The following TFCP2 variants were observed in gnomAD, a reference collection of about 807,000 sequenced individuals.
The protein encoded by TFCP2 is alpha-globin transcription factor CP2.
TFCP2 carries 33 observed loss-of-function variants against 73.4 expected under a neutral mutation model. The ratio of observed to expected loss-of-function variants is 0.45; its 90% CI spans 0.34 to 0.60. The LOEUF (loss-of-function observed/expected upper bound fraction) is 0.60. TFCP2 is among the 20% of genes least tolerant of loss of function. TFCP2 has a pLI of 0.01. For synonymous variants in TFCP2, 193 were observed against 211.6 expected, an observed-to-expected ratio of 0.91 and a Z score of 0.76; for missense variants, 352 against 604.0, an observed-to-expected ratio of 0.58 and a Z score of 4.37.
At chr12:51,123,678 C>G (rs1165158635) in intron 1 of TFCP2, among the ~76,000 whole-genome samples, 2 of 152,186 alleles carry the variant, frequency 1.3e-5, no homozygotes, top group African/African-American at 4.8e-5. Context: ...CCTCCCACCT[C>G]TTCTCCCAAA....
At chr12:51,113,895 C>CATACA (rs1940457696) in intron 4 of TFCP2, among the ~76,000 whole-genome samples, 1 of 152,034 alleles carries the variant, frequency 6.6e-6, no homozygotes, top group Non-Finnish European at 1.5e-5. Flanking sequence ...TATGGTTTAC[C>CATACA]ATACAACCTT....
chr12:51,095,046 TA>T lies in TFCP2; in HGVS notation c.*194del. 1 of 657,382 alleles carries T rather than the reference TA, an allele frequency of 1.5e-6. No individual in the cohort carries two copies. The highest frequency in any genetic ancestry group is 2.7e-6 in the Non-Finnish European group (1 of 367,476). 40.7% of individuals were successfully genotyped at this position (657,382 alleles called of 1,614,324 possible). Reference sequence around the variant, plus strand: ...AGCTGCAGAACTGCATATTGGGCAGTAATCTGTGTGTACCACAAGAGCTTGG... The same window carrying T: ...AGCTGCAGAACTGCATATTGGGCAGTATCTGTGTGTACCACAAGAGCTTGG... On this transcript the variant is annotated 3_prime_UTR_variant, in exon 15 of 15. Transcript: ENST00000257915.
chr12:51,124,594 G>A (rs747321979), intron 1 of TFCP2: 1 of 508,932 alleles, frequency 2.0e-6, no homozygotes, highest in South Asian at 1.5e-5. Flanking sequence ...TCATGGGGCA[G>A]CCGGAGGAGC....
chr12:51,097,884 T>G (rs1288655100), intron 13 of TFCP2, among the ~76,000 whole-genome samples: 2 of 151,510 alleles, frequency 1.3e-5, no homozygotes, highest in African/African-American at 4.8e-5. Context: ...GGCATGGTGG[T>G]GGGTGCCTGT....
intron 1 of TFCP2, among the ~76,000 whole-genome samples, chr12:51,146,529 C>G (rs1485257783): frequency 6.6e-6 from 1 of 152,076 alleles, no homozygotes; most frequent in Non-Finnish European, 1.5e-5. Context: ...AAAATTACAA[C>G]AGTGAACAAT....
chr12:51,107,068 G>A (rs977437067), intron 7 of TFCP2, 168 bp downstream of exon 7: 24 of 650,830 alleles, frequency 3.7e-5, no homozygotes, highest in East Asian at 2.4e-4. Flanking sequence ...GGCATGGTTC[G>A]TGCCAAATTC....
chr12:51,109,077 A>G (rs1592794122), intron 6 of TFCP2, 44 bp downstream of exon 6: 2 of 1,586,958 alleles, frequency 1.3e-6, no homozygotes, highest in Middle Eastern at 1.7e-4. Context: ...AAATAGAATG[A>G]TAAGGTAAAA....
chr12:51,145,257 C>T (rs1320045454), intron 1 of TFCP2, among the ~76,000 whole-genome samples: 1 of 150,392 alleles, frequency 6.6e-6, no homozygotes, highest in Non-Finnish European at 1.5e-5. Context: ...TGGTGCACAC[C>T]TGTAATTCCA....
At chr12:51,104,331 T>C (rs1016204699) in intron 8 of TFCP2, 128 bp from the exon 9 acceptor site, 2 of 722,932 alleles carry the variant, frequency 2.8e-6, no homozygotes, top group Non-Finnish European at 4.5e-6. Flanking sequence ...TCATAACACA[T>C]TCTTATTCTT....
chr12:51,117,804 G>T, intron 2 of TFCP2, 57 bp from the exon 3 acceptor site: 1 of 1,234,950 alleles, frequency 8.1e-7, no homozygotes, highest in South Asian at 1.3e-5. Flanking sequence ...TGCTAGATTC[G>T]GAAAGAATAA....
rs577503462 is a variant in TFCP2, at chr12:51,137,053, T to C, written c.123-18281A>G. On this transcript the variant is annotated intron_variant, in intron 1 of 14. Transcript: ENST00000257915. ...TCTCTGGGAATACTGGTTCTGGAAC[T>C]GTTTCCCACATGTCAAAACTGGGCT... Among the ~76,000 whole-genome samples, 9 of 152,354 alleles carry C rather than the reference T, an allele frequency of 5.9e-5. No homozygotes were observed. In the South Asian group the frequency reaches 1.7e-3, roughly 28 times the overall value.
intron 1 of TFCP2, among the ~76,000 whole-genome samples, chr12:51,158,951 CAGG>C (rs1313708760): frequency 7.0e-6 from 1 of 142,102 alleles, no homozygotes; most frequent in Non-Finnish European, 1.5e-5. Flanking sequence ...ATCACAAGGT[CAGG>C]AGTTCAAGAC....
chr12:51,170,095 T>C (rs1393541803), intron 1 of TFCP2, among the ~76,000 whole-genome samples: 2 of 152,214 alleles, frequency 1.3e-5, no homozygotes, highest in East Asian at 3.8e-4. Flanking sequence ...GCATAAAAAA[T>C]TGTCAAATAT....
intron 10 of TFCP2, among the ~76,000 whole-genome samples, chr12:51,102,902 CTTT>C (rs11452863): frequency 7.0e-6 from 1 of 142,436 alleles, no homozygotes. Context: ...TGTTTCGGTG[CTTT>C]TTTTTTTTTG....
intron 1 of TFCP2, among the ~76,000 whole-genome samples, chr12:51,129,000 T>C (rs1409262994): frequency 6.6e-6 from 1 of 151,942 alleles, no homozygotes; most frequent in Non-Finnish European, 1.5e-5. Flanking sequence ...AACAAAAAAA[T>C]CAACAATAAC....
intron 1 of TFCP2, among the ~76,000 whole-genome samples, chr12:51,132,383 T>TTTTTTTTA (rs1940965832): frequency 2.3e-5 from 3 of 132,126 alleles, no homozygotes; most frequent in Admixed American, 7.6e-5. Context: ...TTTTTTTTTT[T>TTTTTTTTA]TTTTAGACAG....
Position 51,149,478 on chromosome 12 carries a change from AGAG to A in TFCP2, c.122+22820_122+22822del, listed in dbSNP as rs1318362847. On this transcript the variant is annotated intron_variant, in intron 1 of 14. Coordinates refer to ENST00000257915, the MANE Select transcript of TFCP2 (RefSeq NM_005653.5). Reference sequence around the variant, plus strand: ...GCTTTGTAGGTTGTTTTCCATAATAAGAGGAGGACAAGAAAAGTGTAGGAAAGC... The same window carrying A: ...GCTTTGTAGGTTGTTTTCCATAATAAGAGGACAAGAAAAGTGTAGGAAAGC... 2.0e-5 allele frequency among the ~76,000 whole-genome samples: 3 copies of A among 152,370 alleles called. No homozygotes were observed. In the South Asian group the frequency reaches 6.2e-4, roughly 32 times the overall value.
In TFCP2 at chr12:51,104,199, C is replaced by G; in HGVS notation, c.922G>C (p.Gly308Arg). ...GGCTCTGGCTGGTGGTTTGGTGAAC[C>G]ATTTCTAAAGAAACATTTAAAATGA... is the stretch of plus-strand genomic sequence containing the variant. ...HSSFSLGEGN[G>R]SPNHQPEPPP... Residue 308 changes from glycine (G) to arginine (R), a missense_variant, in exon 9 of 15, where the codon GGT becomes CGT. Coordinates refer to ENST00000257915, the MANE Select transcript of TFCP2 (RefSeq NM_005653.5). 1.9e-6 allele frequency: 3 copies of G among 1,613,748 alleles called. No homozygotes were observed. Among genetic ancestry groups the G allele is most frequent in the Non-Finnish European group, 2.5e-6 (3 of 1,179,860 alleles).
At chr12:51,131,263 A>C (rs546875900) in intron 1 of TFCP2, among the ~76,000 whole-genome samples, 117 of 145,360 alleles carry the variant, frequency 8.0e-4, no homozygotes, top group Non-Finnish European at 2.4e-4. Flanking sequence ...TGAACCCGGG[A>C]GGTGGAGCTT....
Sources: gnomAD v4.1 joint callset for allele counts (sites outside exome capture counted in the v4.1 genomes callset) on GRCh38, gnomAD v4.1.1 for gene constraint, MANE v1.5 for transcripts, NCBI Gene and HGNC (gene_info 2026-07-23, HGNC 2026-07-21) for gene names.